SDC2: variants seen among roughly 807,000 people sequenced by gnomAD.
SDC2 encodes the protein syndecan-2.
In SDC2, 13 loss-of-function variants were observed where a neutral mutation model predicts 22.2. The observed-to-expected ratio is 0.59, with a 90% CI of 0.38 to 0.93. SDC2 has a LOEUF of 0.93. Ranked by LOEUF, SDC2 falls within the 40% of genes least tolerant of loss-of-function variation. The probability of loss-of-function intolerance (pLI) is 0.00; values close to 1 mark genes in which losing one functional copy is unlikely to be tolerated. For missense variants in SDC2, 235 were observed against 246.8 expected (o/e 0.95, Z 0.32); for synonymous variants, 94 against 92.8 (o/e 1.01, Z -0.07).
intron 1 of SDC2, among the ~76,000 whole-genome samples, chr8:96,591,230 T>G (rs1814776092): frequency 6.6e-6 from 1 of 152,182 alleles, no homozygotes; most frequent in South Asian, 2.1e-4. Flanking sequence ...AAAATGAAAG[T>G]CATTCAATGT....
At chr8:96,554,308 T>C (rs951777017) in intron 1 of SDC2, among the ~76,000 whole-genome samples, 3 of 152,330 alleles carry the variant, frequency 2.0e-5, no homozygotes, top group African/African-American at 7.2e-5. Flanking sequence ...CAAGTTAACT[T>C]CTAAATTTTA....
At chr8:96,600,346 T>G (rs988936072) in intron 2 of SDC2, among the ~76,000 whole-genome samples, 24 of 152,162 alleles carry the variant, frequency 1.6e-4, no homozygotes, top group Admixed American at 1.6e-3. Flanking sequence ...TTTGTTTGAG[T>G]TGTTACAAAT....
intron 1 of SDC2, among the ~76,000 whole-genome samples, chr8:96,537,995 G>A (rs111537638): frequency 2.6e-5 from 4 of 152,006 alleles, no homozygotes; most frequent in African/African-American, 4.8e-5. Context: ...ACGGAGTCTC[G>A]CTCTGTCGCC....
intron 1 of SDC2, among the ~76,000 whole-genome samples, chr8:96,542,107 C>G (rs73273581): frequency 0.029 from 4,403 of 152,222 alleles, 204 homozygotes; most frequent in African/African-American, 0.099. Context: ...TTGTAATTTT[C>G]ACTTCTCCCC....
chr8:96,540,069 G>C (rs1163382413), intron 1 of SDC2, among the ~76,000 whole-genome samples: 1 of 150,906 alleles, frequency 6.6e-6, no homozygotes, highest in African/African-American at 2.4e-5. Flanking sequence ...GAAATAGGAA[G>C]AAAAATGTAG....
intron 1 of SDC2, among the ~76,000 whole-genome samples, chr8:96,567,528 G>A (rs752069393): frequency 3.9e-5 from 6 of 152,112 alleles, no homozygotes; most frequent in Non-Finnish European, 7.4e-5. Context: ...TGAGTCTCCA[G>A]TGTCCACCTT....
At position 96,577,572 on chromosome 8, in the gene SDC2, T is replaced by G. The variant is rs576837481; in HGVS notation, c.61-15908T>G. The stretch of plus-strand genomic sequence containing the variant: ...TTTATTGGGATTAATGAACCAACAT[T>G]GATACATTATTACTAGCTGTAGTCC... On this transcript the variant is annotated intron_variant, in intron 1 of 4. Transcript: ENST00000302190. Among the ~76,000 whole-genome samples, 4 of 152,208 alleles carry G rather than the reference T, an allele frequency of 2.6e-5. No individual in the cohort carries two copies. In the East Asian group the frequency reaches 7.7e-4, roughly 29 times the overall value.
chr8:96,609,228 T>A (rs1431390900), intron 4 of SDC2, among the ~76,000 whole-genome samples, 157 bp from the exon 5 acceptor site: 1 of 152,188 alleles, frequency 6.6e-6, no homozygotes, highest in Non-Finnish European at 1.5e-5. Flanking sequence ...CAGATTTGCA[T>A]AGTTACCAGG....
intron 2 of SDC2, among the ~76,000 whole-genome samples, chr8:96,601,412 C>T (rs772752499): frequency 7.2e-5 from 11 of 152,036 alleles, no homozygotes; most frequent in Admixed American, 3.3e-4. Context: ...GAGGCTGAAG[C>T]AGGTGGATCA....
chr8:96,521,674 G>A (rs959380181), intron 1 of SDC2, among the ~76,000 whole-genome samples: 1 of 152,190 alleles, frequency 6.6e-6, no homozygotes, highest in Non-Finnish European at 1.5e-5. Flanking sequence ...TCACATCTGT[G>A]TCGGGTATTG....
chr8:96,609,560 A>T lies in SDC2; in HGVS notation c.*12A>T. 6.4e-7 allele frequency: 1 copy of T among 1,568,120 alleles called. No individual in the cohort carries two copies. Among genetic ancestry groups the T allele is most frequent in the Non-Finnish European group, 8.7e-7 (1 of 1,154,926 alleles). ...AGTTTTATGCGTAAAACTCCAACTTAGTGTCTCTATTTATGAGATCACTGA... is the reference window on the plus strand; with the variant it reads ...AGTTTTATGCGTAAAACTCCAACTTTGTGTCTCTATTTATGAGATCACTGA... On this transcript the variant is annotated 3_prime_UTR_variant, in exon 5 of 5. Transcript: ENST00000302190.
chr8:96,607,376 A>C (rs565292188), intron 3 of SDC2, among the ~76,000 whole-genome samples: 74 of 152,290 alleles, frequency 4.9e-4, no homozygotes, highest in African/African-American at 1.8e-3. Context: ...GAAGAAGTTA[A>C]TGTGAGAGCA....
intron 1 of SDC2, among the ~76,000 whole-genome samples, chr8:96,553,721 C>T (rs1000447046): frequency 7.2e-5 from 11 of 151,928 alleles, no homozygotes; most frequent in African/African-American, 2.7e-4. Context: ...CAGAATATTG[C>T]CTTTAGACTG....
chr8:96,584,111 C>T (rs1444486029), intron 1 of SDC2, among the ~76,000 whole-genome samples: 1 of 152,218 alleles, frequency 6.6e-6, no homozygotes, highest in Non-Finnish European at 1.5e-5. Context: ...ATAGTCAAGG[C>T]TTCTTTTTAC....
intron 1 of SDC2, among the ~76,000 whole-genome samples, chr8:96,590,365 C>T (rs909305494): frequency 6.6e-6 from 1 of 152,224 alleles, no homozygotes; most frequent in South Asian, 2.1e-4. Context: ...TTTCGTCCAG[C>T]GTCTCGGTCC....
At chr8:96,512,559 C>T (rs1042866218) in intron 1 of SDC2, among the ~76,000 whole-genome samples, 1 of 151,998 alleles carries the variant, frequency 6.6e-6, no homozygotes, top group African/African-American at 2.4e-5. Flanking sequence ...TTACCTCACT[C>T]CTTTGTGAAT....
chr8:96,501,312 T>TC (rs1238406108), intron 1 of SDC2, among the ~76,000 whole-genome samples: 31 of 136,468 alleles, frequency 2.3e-4, no homozygotes, highest in Non-Finnish European at 4.6e-4. Flanking sequence ...TTTTTTTTTT[T>TC]TTTTTTTTTT....
chr8:96,526,678 GT>G, intron 1 of SDC2, among the ~76,000 whole-genome samples: 1 of 151,656 alleles, frequency 6.6e-6, no homozygotes, highest in Non-Finnish European at 1.5e-5. Flanking sequence ...TTTTTGGACA[GT>G]TTTTAAGGGC....
At chr8:96,563,494 C>T (rs939441712) in intron 1 of SDC2, among the ~76,000 whole-genome samples, 10 of 152,154 alleles carry the variant, frequency 6.6e-5, no homozygotes, top group African/African-American at 2.4e-4. Context: ...TGTTCTCAGA[C>T]TTCTAAGCCA....
Sources: allele counts gnomAD v4.1 joint callset (sites outside exome capture counted in the v4.1 genomes callset), GRCh38; gene constraint gnomAD v4.1.1; transcripts MANE v1.5; gene names NCBI Gene and HGNC (gene_info 2026-07-23, HGNC 2026-07-21).